The following ZFHX3 variants were observed in gnomAD, a reference collection of about 807,000 sequenced individuals.
ZFHX3 encodes the protein zinc finger homeobox protein 3.
In ZFHX3, 42 loss-of-function variants were observed where a neutral mutation model predicts 279.1. That is an observed-to-expected ratio of 0.15 (90% CI 0.12 to 0.19). ZFHX3 has a LOEUF of 0.19. Among genes scored for constraint, ZFHX3 ranks in the 10% least tolerant of loss-of-function variants. The pLI, the probability that ZFHX3 is intolerant of heterozygous loss-of-function variation, is 1.00. For missense variants in ZFHX3, 4,981 were observed against 4,754.0 expected, an observed-to-expected ratio of 1.05 and a Z score of -1.40; for synonymous variants, 2,293 against 1,957.8, an observed-to-expected ratio of 1.17 and a Z score of -4.52.
At chr16:73,499,722 A>T (rs578121856) in intron 2 of ZFHX3, 2 of 152,366 alleles carry the variant, frequency 1.3e-5, no homozygotes, top group African/African-American at 4.8e-5. Flanking sequence ...ACTGTCACAA[A>T]ACTCTACACT....
chr16:73,522,501 G>A (rs2019624657), intron 2 of ZFHX3, among the ~76,000 whole-genome samples: 1 of 152,138 alleles, frequency 6.6e-6, no homozygotes, highest in Non-Finnish European at 1.5e-5. Context: ...CTGGGATTCG[G>A]GAAAATGGTT....
At chr16:73,711,157 C>T (rs72803118) in intron 1 of ZFHX3, among the ~76,000 whole-genome samples, 2,698 of 152,216 alleles carry the variant, frequency 0.018, 58 homozygotes, top group Non-Finnish European at 0.022. Context: ...TGTATCCATT[C>T]CCTCTCCCCA....
chr16:73,483,288 A>G (rs958385931), intron 2 of ZFHX3: 6 of 433,652 alleles, frequency 1.4e-5, no homozygotes, highest in Non-Finnish European at 2.3e-5. Flanking sequence ...AGACACGTGC[A>G]CGGAGCCTCC....
intron 2 of ZFHX3, among the ~76,000 whole-genome samples, chr16:73,478,958 C>G (rs552158891): frequency 6.6e-6 from 1 of 151,972 alleles, no homozygotes; most frequent in Non-Finnish European, 1.5e-5. Context: ...AGGCTGAGGC[C>G]GGGGAATTGC....
At chr16:73,010,907 T>G (rs572477172) in intron 1 of ZFHX3, among the ~76,000 whole-genome samples, 1 of 152,206 alleles carries the variant, frequency 6.6e-6, no homozygotes, top group East Asian at 1.9e-4. Flanking sequence ...TGGGCTCAAG[T>G]GATCCTCCCA....
chr16:73,230,684 T>A (rs2012744906), intron 5 of ZFHX3, among the ~76,000 whole-genome samples: 1 of 152,210 alleles, frequency 6.6e-6, no homozygotes, highest in Non-Finnish European at 1.5e-5. Context: ...AATTAATCCA[T>A]GTCACAGGCA....
intron 2 of ZFHX3, among the ~76,000 whole-genome samples, chr16:73,666,177 C>T (rs2052840986): frequency 6.6e-6 from 1 of 151,618 alleles, no homozygotes; most frequent in African/African-American, 2.4e-5. Context: ...AGAGTTTGAT[C>T]GGATATGGAA....
At chr16:73,885,780 A>G (rs1007322141) in intron 1 of ZFHX3, among the ~76,000 whole-genome samples, 2 of 152,144 alleles carry the variant, frequency 1.3e-5, no homozygotes, top group Non-Finnish European at 2.9e-5. Context: ...ATTGCTGGAG[A>G]TATAATATGA....
At chr16:73,204,191 T>C (rs867651376) in intron 5 of ZFHX3, among the ~76,000 whole-genome samples, 10 of 151,952 alleles carry the variant, frequency 6.6e-5, no homozygotes, top group Middle Eastern at 6.8e-3. Flanking sequence ...GGACTATGGG[T>C]CGGGGGTAGG....
chr16:73,630,584 C>T (rs9972776), intron 2 of ZFHX3, among the ~76,000 whole-genome samples: 5,884 of 152,184 alleles, frequency 0.039, 390 homozygotes, highest in African/African-American at 0.14. Context: ...GAGGAATGGA[C>T]GTGCCACCAC....
chr16:73,321,180 G>T (rs955114696), intron 3 of ZFHX3, among the ~76,000 whole-genome samples: 1 of 152,162 alleles, frequency 6.6e-6, no homozygotes, highest in African/African-American at 2.4e-5. Flanking sequence ...TGAGTCTTAC[G>T]TGATAGAACA....
At chr16:73,793,045 G>T (rs76229838) in intron 1 of ZFHX3, among the ~76,000 whole-genome samples, 6,113 of 152,236 alleles carry the variant, frequency 0.04, 405 homozygotes, top group African/African-American at 0.14. Flanking sequence ...AGAAGGGAGG[G>T]ATGCAGACAG....
intron 3 of ZFHX3, among the ~76,000 whole-genome samples, chr16:73,340,108 G>C (rs183837781): frequency 1.3e-5 from 2 of 152,180 alleles, no homozygotes; most frequent in African/African-American, 4.8e-5. Flanking sequence ...ACAGGCTTAC[G>C]TTGCAGTAGG....
chr16:73,684,914 T>C (rs2053064352), intron 1 of ZFHX3, among the ~76,000 whole-genome samples: 2 of 152,146 alleles, frequency 1.3e-5, no homozygotes, highest in African/African-American at 4.8e-5. Context: ...TTGGTCAGGC[T>C]GGTCTTGAAC....
chr16:73,106,843 G>A (rs943176668), intron 7 of ZFHX3, among the ~76,000 whole-genome samples: 15 of 152,182 alleles, frequency 9.9e-5, no homozygotes, highest in Non-Finnish European at 1.9e-4. Flanking sequence ...TCGTGTGACA[G>A]TTATGCAACA....
At chr16:73,524,180 C>T (rs1395381712) in intron 2 of ZFHX3, among the ~76,000 whole-genome samples, 1 of 152,150 alleles carries the variant, frequency 6.6e-6, no homozygotes, top group East Asian at 1.9e-4. Context: ...TCTCTGTGCA[C>T]CTACCATGTG....
chr16:73,672,468 T>A (rs1169263752), intron 2 of ZFHX3, among the ~76,000 whole-genome samples: 1 of 152,186 alleles, frequency 6.6e-6, no homozygotes, highest in Non-Finnish European at 1.5e-5. Context: ...GAACATTTCA[T>A]GTCTGACAAA....
chr16:73,566,152 A>C (rs553611241), intron 2 of ZFHX3, among the ~76,000 whole-genome samples: 1 of 152,338 alleles, frequency 6.6e-6, no homozygotes, highest in South Asian at 2.1e-4. Context: ...GTCTGTCTCC[A>C]CATGCGGGCA....
intron 1 of ZFHX3, among the ~76,000 whole-genome samples, chr16:73,056,250 T>C (rs1597140068): frequency 6.6e-6 from 1 of 152,160 alleles, no homozygotes; most frequent in African/African-American, 2.4e-5. Flanking sequence ...CCACCAAGCT[T>C]TCAAGACTGA....
Sources: gnomAD v4.1 joint callset for allele counts (sites outside exome capture counted in the v4.1 genomes callset) on GRCh38, gnomAD v4.1.1 for gene constraint, MANE v1.5 for transcripts, NCBI Gene and HGNC (gene_info 2026-07-23, HGNC 2026-07-21) for gene names.